The following RBM47 variants were observed in gnomAD, a reference collection of about 807,000 sequenced individuals.
The protein encoded by RBM47 is RNA-binding protein 47.
In RBM47, 21 loss-of-function variants were observed where a neutral mutation model predicts 47.1. The observed-to-expected ratio is 0.45, with a 90% CI of 0.32 to 0.64. The LOEUF is 0.64. RBM47 is among the 30% of genes least tolerant of loss of function. The pLI is 0.05. For synonymous variants in RBM47, 375 were observed against 361.7 expected (o/e 1.04, Z -0.42); for missense variants, 708 against 870.9 (o/e 0.81, Z 2.35).
chr4:40,435,316 A>G (rs59911206), intron 5 of RBM47, among the ~76,000 whole-genome samples: 11,364 of 152,234 alleles, frequency 0.075, 512 homozygotes, highest in African/African-American at 0.12. Context: ...TGGGAGGCTC[A>G]GGCGGGTGGC....
At chr4:40,543,261 C>T (rs535620964) in intron 2 of RBM47, 47 of 152,230 alleles carry the variant, frequency 3.1e-4, no homozygotes, top group African/African-American at 1.1e-3. Flanking sequence ...GATAAATGAA[C>T]GAGTCACTCT....
intron 2 of RBM47, among the ~76,000 whole-genome samples, chr4:40,507,000 A>C (rs1724181777): frequency 6.6e-6 from 1 of 152,096 alleles, no homozygotes; most frequent in African/African-American, 2.4e-5. Flanking sequence ...TCTGTCGCCC[A>C]GGCTGGAGTG....
At chr4:40,519,732 C>T (rs1345790800) in intron 2 of RBM47, among the ~76,000 whole-genome samples, 2 of 135,350 alleles carry the variant, frequency 1.5e-5, no homozygotes, top group Admixed American at 8.7e-5. Flanking sequence ...TATAGTGGCT[C>T]AATCTTGGCT....
chr4:40,535,371 CT>C (rs1177127352), intron 2 of RBM47, among the ~76,000 whole-genome samples: 116 of 103,430 alleles, frequency 1.1e-3, no homozygotes, highest in South Asian at 9.9e-3. Flanking sequence ...TATGGTATTT[CT>C]TTTTTTTTTT....
Position 40,427,213 on chromosome 4 carries a change from T to C in RBM47, c.1543-1070A>G, listed in dbSNP as rs1377062438. 2.6e-5 allele frequency: 4 copies of C among 152,228 alleles called. No homozygotes were observed. In the East Asian group the frequency reaches 7.7e-4, roughly 29 times the overall value. 9.4% of individuals were successfully genotyped at this position (152,228 alleles called of 1,614,324 possible). A position where few individuals can be genotyped will look rare whatever the true frequency, so the allele number is the denominator to read the frequency against. ...CCTAAGAGATGACACCATTAATGTATACAAATTGTTGTAGAAGCTTAGAGA... is the reference window on the plus strand; with the variant it reads ...CCTAAGAGATGACACCATTAATGTACACAAATTGTTGTAGAAGCTTAGAGA... On this transcript the variant is annotated intron_variant, in intron 6 of 6. Transcript: ENST00000295971.
intron 2 of RBM47, among the ~76,000 whole-genome samples, chr4:40,489,591 T>C (rs1486663598): frequency 6.6e-6 from 1 of 152,172 alleles, no homozygotes; most frequent in South Asian, 2.1e-4. Context: ...GAGAAATTCC[T>C]AGAAAGATGC....
rs1714679342 is a variant in RBM47 at position 40,423,712 on chromosome 4, CTTTTCTTTCT to C, written c.*2182_*2191del. ...TCTTTCTTTCTTTCTTTCTTTCTTT[CTTTTCTTTCT>C]TTTCTTTCTTCCTCTTCTTCTTCTT... On this transcript the variant is annotated 3_prime_UTR_variant, in exon 7 of 7. Coordinates refer to ENST00000295971, the MANE Select transcript of RBM47 (RefSeq NM_001098634.2). 1.9e-5 allele frequency: 1 copy of C among 51,460 alleles called. No homozygotes were observed. Among genetic ancestry groups the C allele is most frequent in the African/African-American group, 1.1e-4 (1 of 9,092 alleles). 3.2% of individuals were successfully genotyped at this position (51,460 alleles called of 1,614,324 possible).
intron 1 of RBM47, among the ~76,000 whole-genome samples, chr4:40,564,204 T>G (rs1253989126): frequency 1.3e-5 from 2 of 152,196 alleles, no homozygotes; most frequent in African/African-American, 4.8e-5. Context: ...GGAAGTGGTG[T>G]GTGTCATCAT....
chr4:40,526,660 A>T (rs1316117215), intron 2 of RBM47, among the ~76,000 whole-genome samples: 1 of 151,720 alleles, frequency 6.6e-6, no homozygotes, highest in Non-Finnish European at 1.5e-5. Flanking sequence ...TGCAGCCTCA[A>T]CCTCCCTGGC....
At chr4:40,622,686 A>C (rs1737374703) in intron 1 of RBM47, among the ~76,000 whole-genome samples, 1 of 152,236 alleles carries the variant, frequency 6.6e-6, no homozygotes, top group Non-Finnish European at 1.5e-5. Flanking sequence ...GTTCGAGACC[A>C]GCCTGGCCAA....
chr4:40,427,005 C>T (rs932883415), intron 6 of RBM47: 8 of 152,130 alleles, frequency 5.3e-5, no homozygotes, highest in African/African-American at 1.9e-4. Context: ...ATGCCAGCTG[C>T]CTCAACTCAT....
chr4:40,526,487 A>G (rs1468036474), intron 2 of RBM47, among the ~76,000 whole-genome samples: 1 of 151,182 alleles, frequency 6.6e-6, no homozygotes, highest in Non-Finnish European at 1.5e-5. Flanking sequence ...GTCATGGGCT[A>G]GGTAAATACT....
Position 40,629,806 on chromosome 4 carries a change from G to A in RBM47, c.-650C>T, listed in dbSNP as rs905025788. ...AGCGCGCGGCGGTTCCACCCGCAGA[G>A]CGGCGCCGCGTCCCGGCTGCGTGGG... On this transcript the variant is annotated 5_prime_UTR_variant, in exon 1 of 7. Transcript: ENST00000295971. The A allele has an allele frequency of 6.6e-6, 1 of 152,208 alleles. No individual in the cohort carries two copies. The highest frequency in any genetic ancestry group is 2.4e-5 in the African/African-American group (1 of 41,450). 9.4% of individuals were successfully genotyped at this position (152,208 alleles called of 1,614,324 possible). A position where few individuals can be genotyped will look rare whatever the true frequency, so the allele number is the denominator to read the frequency against.
chr4:40,531,175 G>C (rs1480937306), intron 2 of RBM47, among the ~76,000 whole-genome samples: 1 of 152,046 alleles, frequency 6.6e-6, no homozygotes, highest in Non-Finnish European at 1.5e-5. Context: ...AAACCTGTTT[G>C]CCATTCCCGA....
intron 2 of RBM47, among the ~76,000 whole-genome samples, chr4:40,487,197 A>T (rs890002130): frequency 6.6e-6 from 1 of 152,210 alleles, no homozygotes; most frequent in Non-Finnish European, 1.5e-5. Context: ...GAAAGCAACA[A>T]AAAAGACCCC....
intron 1 of RBM47, among the ~76,000 whole-genome samples, chr4:40,571,623 T>G (rs1213648956): frequency 1.3e-5 from 2 of 151,968 alleles, no homozygotes; most frequent in Non-Finnish European, 2.9e-5. Flanking sequence ...TTTTAAAAAA[T>G]ACAAACCAGG....
At chr4:40,436,953 A>C (rs1381343685) in intron 4 of RBM47, 76 of 472,750 alleles carry the variant, frequency 1.6e-4, no homozygotes, top group African/African-American at 1.5e-3. Flanking sequence ...CAAAAAAAAA[A>C]CTGTGGCCAG....
chr4:40,621,008 A>C (rs967809442), intron 1 of RBM47, among the ~76,000 whole-genome samples: 8 of 57,020 alleles, frequency 1.4e-4, no homozygotes, highest in African/African-American at 1.2e-3. Flanking sequence ...GGAAACAAAC[A>C]AAAAAAAAAA....
At chr4:40,434,983 T>G (rs1435135037) in intron 5 of RBM47, among the ~76,000 whole-genome samples, 1 of 152,076 alleles carries the variant, frequency 6.6e-6, no homozygotes, top group Admixed American at 6.6e-5. Context: ...TTCCATGTGT[T>G]TGGATGCTTC....
Sources: allele counts gnomAD v4.1 joint callset (sites outside exome capture counted in the v4.1 genomes callset), GRCh38; gene constraint gnomAD v4.1.1; transcripts MANE v1.5; gene names NCBI Gene and HGNC (gene_info 2026-07-23, HGNC 2026-07-21).